Variants in PPP2R2B observed in about 807,000 individuals in gnomAD.
PPP2R2B encodes protein phosphatase 2 regulatory subunit Bbeta, also known as serine/threonine-protein phosphatase 2A 55 kDa regulatory subunit B beta isoform.
PPP2R2B carries 5 observed loss-of-function variants against 46.0 expected under a neutral mutation model. The ratio of observed to expected loss-of-function variants is 0.11; its 90% CI spans 0.06 to 0.23. The LOEUF (loss-of-function observed/expected upper bound fraction) is 0.23. Among genes scored for constraint, PPP2R2B ranks in the 10% least tolerant of loss-of-function variants. PPP2R2B has a pLI of 1.00. For synonymous variants in PPP2R2B, 215 were observed against 206.7 expected, an observed-to-expected ratio of 1.04 and a Z score of -0.34; for missense variants, 367 against 575.0, an observed-to-expected ratio of 0.64 and a Z score of 3.70.
intron 5 of PPP2R2B, among the ~76,000 whole-genome samples, chr5:146,690,790 A>G (rs754140690): frequency 2.0e-5 from 3 of 152,354 alleles, no homozygotes; most frequent in East Asian, 3.9e-4. Flanking sequence ...GCAACTCGCC[A>G]TCTGGATTCT....
At chr5:147,056,211 T>C (rs920085255), upstream of PPP2R2B, 9 of 808,544 alleles carry the variant, frequency 1.1e-5, no homozygotes, top group African/African-American at 1.9e-5. Context: ...CATAGTGTTC[T>C]GCCCTGGAGA....
chr5:146,862,763 ATT>A (rs3062348), intron 2 of PPP2R2B, among the ~76,000 whole-genome samples: 67,792 of 142,516 alleles, frequency 0.48, 16,891 homozygotes, highest in East Asian at 0.71. Flanking sequence ...AGAAAAGTAA[ATT>A]TTTTTTTTTT....
intron 2 of PPP2R2B, among the ~76,000 whole-genome samples, chr5:146,726,600 T>G (rs1221454226): frequency 6.6e-6 from 1 of 152,204 alleles, no homozygotes; most frequent in East Asian, 1.9e-4. Flanking sequence ...ATTGAGACTT[T>G]GAAAGGCTAG....
At chr5:147,014,887 A>C (rs1217669186) in intron 1 of PPP2R2B, among the ~76,000 whole-genome samples, 1 of 152,086 alleles carries the variant, frequency 6.6e-6, no homozygotes, top group Non-Finnish European at 1.5e-5. Context: ...AAGTATAATA[A>C]AAAATAAAAA....
intron 1 of PPP2R2B, among the ~76,000 whole-genome samples, chr5:146,909,683 A>G (rs1048737497): frequency 2.7e-4 from 41 of 152,310 alleles, no homozygotes; most frequent in African/African-American, 9.9e-4. Context: ...GCAAGCCCGC[A>G]TGTCCTCTGT....
At chr5:146,975,350 G>C (rs1323621154) in intron 1 of PPP2R2B, among the ~76,000 whole-genome samples, 2 of 152,082 alleles carry the variant, frequency 1.3e-5, no homozygotes, top group African/African-American at 4.8e-5. Context: ...TCTTTCTTAA[G>C]AATAAGTAAT....
At chr5:146,849,602 T>A (rs557297528) in intron 2 of PPP2R2B, among the ~76,000 whole-genome samples, 1 of 152,170 alleles carries the variant, frequency 6.6e-6, no homozygotes, top group South Asian at 2.1e-4. Flanking sequence ...AAGACTAAAA[T>A]CACAACAATT....
chr5:147,073,926 C>T (rs927150013), intron 2 of PPP2R2B, among the ~76,000 whole-genome samples: 2 of 151,648 alleles, frequency 1.3e-5, no homozygotes, highest in East Asian at 3.9e-4. Flanking sequence ...ATCCCAGCTA[C>T]TTAGGAGGCT....
At chr5:146,880,731 A>G (rs1762138897), upstream of PPP2R2B, among the ~76,000 whole-genome samples, 1 of 152,134 alleles carries the variant, frequency 6.6e-6, no homozygotes, top group Non-Finnish European at 1.5e-5. Flanking sequence ...ATTGTAACCA[A>G]TGGGGAGAAT....
At chr5:147,055,750 A>G in exon 1 of PPP2R2B, 1 of 1,605,650 alleles carries the variant, frequency 6.2e-7, no homozygotes, top group Admixed American at 1.7e-5. Flanking sequence ...TCATCTTCCA[A>G]ATAAAAAATA....
At position 146,798,255 on chromosome 5, in the gene PPP2R2B, A is replaced by G. The variant is rs367950486; in HGVS notation, c.70+79747T>C. 6.6e-5 allele frequency among the ~76,000 whole-genome samples: 10 copies of G among 152,184 alleles called. No homozygotes were observed. The East Asian group carries it at 7.7e-4, about 12-fold the overall frequency. The stretch of plus-strand genomic sequence containing the variant: ...GCCTCATTTTGTTTTTCATCTTCCA[A>G]GGAGACTTACCCTCTTCTCTCCTCT... On this transcript the variant is annotated intron_variant, in intron 2 of 9. Coordinates refer to ENST00000394411, the MANE Select transcript of PPP2R2B (RefSeq NM_181675.4).
At chr5:146,897,177 T>G (rs920475201) in intron 1 of PPP2R2B, among the ~76,000 whole-genome samples, 1 of 152,084 alleles carries the variant, frequency 6.6e-6, no homozygotes, top group Admixed American at 6.6e-5. Context: ...GATGACAGAT[T>G]GAGGGCACAG....
chr5:146,649,695 C>G (rs759261660), intron 6 of PPP2R2B, among the ~76,000 whole-genome samples: 6 of 152,272 alleles, frequency 3.9e-5, no homozygotes, highest in Middle Eastern at 6.8e-3. Context: ...AGCAATCCAC[C>G]TACCTAGGCC....
intron 6 of PPP2R2B, among the ~76,000 whole-genome samples, chr5:146,643,182 A>G (rs573552441): frequency 7.4e-5 from 11 of 148,632 alleles, no homozygotes; most frequent in African/African-American, 2.8e-4. Flanking sequence ...ACACACACAC[A>G]CGAGAGAGAG....
At chr5:146,687,526 G>T (rs1356599521) in intron 5 of PPP2R2B, among the ~76,000 whole-genome samples, 2 of 152,134 alleles carry the variant, frequency 1.3e-5, no homozygotes, top group African/African-American at 4.8e-5. Flanking sequence ...CTAAATACCT[G>T]TCCTGCCCTC....
chr5:146,621,008 A>G (rs1773640247), intron 7 of PPP2R2B, among the ~76,000 whole-genome samples: 1 of 152,212 alleles, frequency 6.6e-6, no homozygotes, highest in African/African-American at 2.4e-5. Context: ...AGAAAGGGAG[A>G]GAGGAGCAGC....
Position 147,062,987 on chromosome 5 carries a change from G to T in PPP2R2B, c.50+18072C>A, listed in dbSNP as rs1391858233. 7.2e-3 allele frequency among the ~76,000 whole-genome samples: 634 copies of T among 88,366 alleles called. 22 individuals carry two copies. The highest frequency in any genetic ancestry group is 0.033 in the African/African-American group (606 of 18,632). 58.0% of individuals were successfully genotyped at this position (88,366 alleles called of 152,430 possible). ...GGGAGGGAGGGAGGGAGGGAGGGAG[G>T]GAGGGAGGGAGGGGGGAAGAAGGGA... On this transcript the variant is annotated intron_variant, in intron 2 of 10. Transcript: ENST00000394413.
chr5:146,628,245 T>C (rs1774193080), intron 7 of PPP2R2B, among the ~76,000 whole-genome samples: 1 of 152,192 alleles, frequency 6.6e-6, no homozygotes, highest in Admixed American at 6.5e-5. Flanking sequence ...GCACCTGGCC[T>C]AACATCTCAG....
intron 2 of PPP2R2B, among the ~76,000 whole-genome samples, chr5:146,735,432 G>C (rs1752479423): frequency 6.6e-6 from 1 of 151,980 alleles, no homozygotes; most frequent in African/African-American, 2.4e-5. Context: ...GACCAGATAT[G>C]AGTCCAAGTT....
Sources: gnomAD v4.1 joint callset for allele counts (sites outside exome capture counted in the v4.1 genomes callset) on GRCh38, gnomAD v4.1.1 for gene constraint, MANE v1.5 for transcripts, NCBI Gene and HGNC (gene_info 2026-07-23, HGNC 2026-07-21) for gene names.